The following HYDIN variants were observed in gnomAD, a reference collection of about 807,000 sequenced individuals.
HYDIN encodes HYDIN axonemal central pair apparatus protein.
Under a neutral mutation model 403.9 loss-of-function variants are expected in HYDIN, and 132 were observed. The ratio of observed to expected loss-of-function variants is 0.33; its 90% CI spans 0.28 to 0.38. HYDIN has a LOEUF of 0.38. HYDIN is among the 10% of genes least tolerant of loss of function. The pLI is 1.00. For synonymous variants in HYDIN, 1,202 were observed against 1,891.7 expected, an observed-to-expected ratio of 0.64 and a Z score of 9.46; for missense variants, 2,827 against 5,009.5, an observed-to-expected ratio of 0.56 and a Z score of 13.15.
intron 45 of HYDIN, among the ~76,000 whole-genome samples, chr16:70,922,650 C>A (rs2077028750): frequency 6.6e-6 from 1 of 151,792 alleles, no homozygotes; most frequent in South Asian, 2.1e-4. Flanking sequence ...GGAAATAATT[C>A]ATGGATTAAA....
rs566030921 is a variant in HYDIN, at chr16:70,803,291, T to C, written c.*4289A>G. Among the ~76,000 whole-genome samples the C allele has an allele frequency of 6.6e-6, 1 of 152,332 alleles. No homozygotes were observed. The highest frequency in any genetic ancestry group is 2.1e-4 in the South Asian group (1 of 4,834). On this transcript the variant is annotated 3_prime_UTR_variant, in exon 86 of 86. Coordinates refer to ENST00000393567, the MANE Select transcript of HYDIN (RefSeq NM_001270974.2). The stretch of plus-strand genomic sequence containing the variant: ...GTCAGAAGTTCCTAGAAAGAAGTGG[T>C]TCTTTTCTCTAATATCTTGAAAAAT...
At chr16:71,180,900 C>A (rs2086875349) in intron 3 of HYDIN, among the ~76,000 whole-genome samples, 3 of 151,820 alleles carry the variant, frequency 2.0e-5, no homozygotes, top group Non-Finnish European at 4.4e-5. Context: ...CATATCAAAA[C>A]CAATTCTATT....
At chr16:70,999,078 A>T (rs1222419760) in intron 23 of HYDIN, among the ~76,000 whole-genome samples, 2 of 150,792 alleles carry the variant, frequency 1.3e-5, no homozygotes, top group African/African-American at 4.8e-5. Context: ...GCTGAAACTC[A>T]AGTTACTCAG....
intron 83 of HYDIN, among the ~76,000 whole-genome samples, chr16:70,820,010 C>T (rs55925430): frequency 4.4e-4 from 59 of 134,446 alleles, no homozygotes; most frequent in African/African-American, 1.1e-3. Context: ...TTAGTAGAGA[C>T]GGGGTTTCAC....
chr16:71,059,018 T>C (rs1226549678), intron 18 of HYDIN, among the ~76,000 whole-genome samples: 2 of 152,254 alleles, frequency 1.3e-5, no homozygotes, highest in Admixed American at 6.5e-5. Context: ...GTGATACATA[T>C]AACATAGAAA....
At chr16:71,012,619 G>T (rs113108263) in intron 23 of HYDIN, among the ~76,000 whole-genome samples, 4,046 of 152,278 alleles carry the variant, frequency 0.027, 100 homozygotes, top group Non-Finnish European at 0.041. Flanking sequence ...GTGTTGTGAA[G>T]GAACATGAGA....
At chr16:70,989,451 T>C (rs2079276369) in intron 25 of HYDIN, among the ~76,000 whole-genome samples, 3 of 152,174 alleles carry the variant, frequency 2.0e-5, no homozygotes, top group Non-Finnish European at 2.9e-5. Context: ...ATTTTTAAAA[T>C]ATAGAAAGCT....
intron 27 of HYDIN, 121 bp from the exon 28 acceptor site, chr16:70,985,443 C>G (rs1188785002): frequency 9.4e-7 from 1 of 1,063,912 alleles, no homozygotes. Context: ...ACTGGTCAAT[C>G]TACATCTCAG....
intron 12 of HYDIN, among the ~76,000 whole-genome samples, chr16:71,085,745 T>C (rs1449579255): frequency 1.3e-5 from 2 of 152,220 alleles, no homozygotes; most frequent in African/African-American, 4.8e-5. Context: ...TTTTAAAGTC[T>C]ATTTTGTCTG....
At chr16:71,143,414 G>A (rs1056747617) in intron 7 of HYDIN, among the ~76,000 whole-genome samples, 12 of 152,098 alleles carry the variant, frequency 7.9e-5, no homozygotes, top group Non-Finnish European at 1.5e-4. Context: ...GTCTTCACTT[G>A]CTATGAACTT....
At chr16:70,852,804 G>A (rs2038743887) in intron 73 of HYDIN, 1 of 152,156 alleles carries the variant, frequency 6.6e-6, no homozygotes. Context: ...AAAGATGTCC[G>A]ACATTATTAG....
chr16:71,167,618 T>A (rs2086285300), intron 5 of HYDIN, among the ~76,000 whole-genome samples: 2 of 152,166 alleles, frequency 1.3e-5, no homozygotes, highest in African/African-American at 4.8e-5. Flanking sequence ...ATAAGGAAGG[T>A]TTGAAGTTTG....
intron 23 of HYDIN, among the ~76,000 whole-genome samples, chr16:71,011,780 T>C (rs1260288623): frequency 6.6e-6 from 1 of 151,268 alleles, no homozygotes; most frequent in African/African-American, 2.4e-5. Flanking sequence ...AAGACATAGA[T>C]GGAAGCATCC....
chr16:70,934,806 T>TGAC (rs1179985204), intron 45 of HYDIN, among the ~76,000 whole-genome samples: 12 of 151,272 alleles, frequency 7.9e-5, no homozygotes, highest in Non-Finnish European at 1.6e-4. Flanking sequence ...GGTGGTCAGG[T>TGAC]GACAGCAACT....
chr16:71,043,017 A>AT (rs1244338043), intron 18 of HYDIN, among the ~76,000 whole-genome samples: 1 of 150,564 alleles, frequency 6.6e-6, no homozygotes, highest in African/African-American at 2.4e-5. Context: ...ATTTTTTGAG[A>AT]TTTTTTTATA....
At chr16:71,169,471 G>A (rs2086374974) in intron 5 of HYDIN, among the ~76,000 whole-genome samples, 1 of 152,026 alleles carries the variant, frequency 6.6e-6, no homozygotes, top group South Asian at 2.1e-4. Context: ...TATATACAAT[G>A]GAATACTATG....
chr16:71,214,074 T>C (rs1457491046), intron 1 of HYDIN, among the ~76,000 whole-genome samples: 2 of 152,090 alleles, frequency 1.3e-5, no homozygotes, highest in Non-Finnish European at 2.9e-5. Context: ...GGTTTAGCAA[T>C]ATTGCTAAAT....
chr16:70,926,007 T>C (rs1467160547), intron 45 of HYDIN, among the ~76,000 whole-genome samples: 2 of 150,502 alleles, frequency 1.3e-5, no homozygotes, highest in East Asian at 1.9e-4. Context: ...TTTTACACTG[T>C]TGGTGGGACT....
intron 1 of HYDIN, among the ~76,000 whole-genome samples, chr16:71,230,218 C>A (rs74689663): frequency 6.6e-6 from 1 of 152,206 alleles, no homozygotes; most frequent in Admixed American, 6.5e-5. Flanking sequence ...ACTCTTGGAA[C>A]TGTACACCTA....
Sources: allele counts gnomAD v4.1 joint callset (sites outside exome capture counted in the v4.1 genomes callset), GRCh38; gene constraint gnomAD v4.1.1; transcripts MANE v1.5; gene names NCBI Gene and HGNC (gene_info 2026-07-23, HGNC 2026-07-21).